Variants in PEF1 observed in about 807,000 individuals in gnomAD.
PEF1 encodes the protein peflin.
PEF1 carries 17 observed loss-of-function variants against 32.0 expected under a neutral mutation model. That is an observed-to-expected ratio of 0.53 (90% CI 0.36 to 0.80). The LOEUF is 0.80. Among genes scored for constraint, PEF1 ranks in the 30% least tolerant of loss-of-function variants. The pLI is 0.00. For synonymous variants in PEF1, 130 were observed against 139.8 expected, an observed-to-expected ratio of 0.93 and a Z score of 0.50; for missense variants, 362 against 369.1, an observed-to-expected ratio of 0.98 and a Z score of 0.16.
chr1:31,632,062 A>G (rs1640119741), intron 4 of PEF1, among the ~76,000 whole-genome samples: 1 of 152,196 alleles, frequency 6.6e-6, no homozygotes, highest in Non-Finnish European at 1.5e-5. Context: ...CAGGGTCCCA[A>G]AAGTTGGGAA....
intron 1 of PEF1, chr1:31,644,471 T>C: frequency 8.3e-7 from 1 of 1,198,034 alleles, no homozygotes; most frequent in East Asian, 4.3e-5. Flanking sequence ...ACGCCCCAAA[T>C]GAGATCGGCG....
At chr1:31,634,507 G>A (rs1322990628) in intron 2 of PEF1, among the ~76,000 whole-genome samples, 3 of 152,170 alleles carry the variant, frequency 2.0e-5, no homozygotes, top group Non-Finnish European at 4.4e-5. Context: ...TGTCTTCTGA[G>A]ATATTTTCAC....
intron 1 of PEF1, among the ~76,000 whole-genome samples, chr1:31,637,283 C>T (rs893032563): frequency 6.6e-6 from 1 of 152,144 alleles, no homozygotes; most frequent in Non-Finnish European, 1.5e-5. Flanking sequence ...AACTCTGCTC[C>T]CATCAGCTAA....
chr1:31,639,681 G>T (rs760423307), intron 1 of PEF1, among the ~76,000 whole-genome samples: 1 of 152,246 alleles, frequency 6.6e-6, no homozygotes, highest in Non-Finnish European at 1.5e-5. Flanking sequence ...TGGGGATGAA[G>T]AGAACGGAAT....
chr1:31,637,422 T>C (rs1360438091), intron 1 of PEF1, among the ~76,000 whole-genome samples: 1 of 152,110 alleles, frequency 6.6e-6, no homozygotes, highest in Non-Finnish European at 1.5e-5. Context: ...TCAGTTTAAT[T>C]TTTAGCTAAA....
intron 1 of PEF1, 55 bp downstream of exon 1, chr1:31,644,786 G>T: frequency 6.2e-7 from 1 of 1,612,824 alleles, no homozygotes; most frequent in Non-Finnish European, 8.5e-7. Context: ...GGGGGACGTC[G>T]GGCCTGCGCC....
At chr1:31,632,271 TC>T in intron 4 of PEF1, 1 of 771,100 alleles carries the variant, frequency 1.3e-6, no homozygotes, top group Non-Finnish European at 2.2e-6. Context: ...CACTCCAGGG[TC>T]CAGCCCTGAT....
chr1:31,632,167 G>C (rs1640123219), intron 4 of PEF1, among the ~76,000 whole-genome samples: 1 of 152,168 alleles, frequency 6.6e-6, no homozygotes, highest in Non-Finnish European at 1.5e-5. Flanking sequence ...TGGAGAGAAA[G>C]GAGTCACCCA....
chr1:31,635,631 A>G, intron 1 of PEF1, 109 bp from the exon 2 acceptor site: 1 of 1,114,204 alleles, frequency 9.0e-7, no homozygotes, highest in Non-Finnish European at 1.2e-6. Context: ...AACTGATCCT[A>G]TAGGTAGGGT....
chr1:31,631,210 G>A (rs1003364835), intron 4 of PEF1, among the ~76,000 whole-genome samples: 2 of 152,214 alleles, frequency 1.3e-5, no homozygotes, highest in Non-Finnish European at 2.9e-5. Context: ...GACATCAGAG[G>A]CAGTACAGCA....
At chr1:31,635,692 G>A (rs997060626) in intron 1 of PEF1, among the ~76,000 whole-genome samples, 170 bp from the exon 2 acceptor site, 2 of 152,120 alleles carry the variant, frequency 1.3e-5, no homozygotes, top group Non-Finnish European at 2.9e-5. Context: ...TTCCAGAGGA[G>A]CAACGAGTTA....
In PEF1 at chr1:31,630,306, CACTA is replaced by C. The variant is rs1371691539; in HGVS notation, c.*303_*306del. The stretch of plus-strand genomic sequence containing the variant: ...TCAGGGTGGAGCTCAGCTGACTGGA[CACTA>C]ACTCCATTACAAGGACCTGCTCCTG... On this transcript the variant is annotated 3_prime_UTR_variant, in exon 5 of 5. Coordinates refer to ENST00000373703, the MANE Select transcript of PEF1 (RefSeq NM_012392.4). The C allele has an allele frequency of 2.5e-6, 1 of 405,832 alleles. No individual in the cohort carries two copies. The highest frequency in any genetic ancestry group is 3.6e-5 in the Admixed American group (1 of 27,788). The allele number at this position is 405,832 out of a possible 1,614,324, so 25.1% of individuals were successfully genotyped here. A position where few individuals can be genotyped will look rare whatever the true frequency, so the allele number is the denominator to read the frequency against.
chr1:31,636,477 A>AAAAC (rs754220011), intron 1 of PEF1, among the ~76,000 whole-genome samples: 12 of 152,266 alleles, frequency 7.9e-5, no homozygotes, highest in African/African-American at 2.4e-4. Context: ...ATCCGATCTC[A>AAAAC]AAACAAACAA....
intron 2 of PEF1, among the ~76,000 whole-genome samples, chr1:31,634,419 C>A (rs1335172096): frequency 6.6e-6 from 1 of 152,142 alleles, no homozygotes. Context: ...CTAAAATGAA[C>A]CCATTTCCCC....
At chr1:31,637,906 C>A (rs1640299792) in intron 1 of PEF1, among the ~76,000 whole-genome samples, 1 of 152,156 alleles carries the variant, frequency 6.6e-6, no homozygotes, top group Non-Finnish European at 1.5e-5. Context: ...ATCAGTAAGT[C>A]ATAGCTGCTA....
In PEF1 at chr1:31,632,695, C is replaced by G. The variant is rs577881109; in HGVS notation, c.482-57G>C. ...GGCTTCAAGACTGAAGGCCAAGGGT[C>G]CCCCTCAGGACCCATTGAGGCAGCC... On this transcript the variant is annotated intron_variant, in intron 3 of 4. Coordinates refer to ENST00000373703, the MANE Select transcript of PEF1 (RefSeq NM_012392.4). 138 of 1,582,636 alleles carry G rather than the reference C, an allele frequency of 8.7e-5. No individual in the cohort carries two copies. The East Asian group carries it at 3.1e-3, about 35-fold the overall frequency.
At chr1:31,639,340 A>C (rs1025656199) in intron 1 of PEF1, among the ~76,000 whole-genome samples, 4 of 152,164 alleles carry the variant, frequency 2.6e-5, no homozygotes, top group African/African-American at 9.7e-5. Flanking sequence ...AGTGTCTAAG[A>C]GTAGTTTCTG....
At chr1:31,639,182 G>A (rs536934047) in intron 1 of PEF1, among the ~76,000 whole-genome samples, 6 of 152,300 alleles carry the variant, frequency 3.9e-5, no homozygotes, top group African/African-American at 1.2e-4. Context: ...AAAGACAAAC[G>A]CACAGACTTA....
At chr1:31,632,841 A>ACCCCAT (rs968751590) in intron 3 of PEF1, among the ~76,000 whole-genome samples, 1 of 151,882 alleles carries the variant, frequency 6.6e-6, no homozygotes, top group Non-Finnish European at 1.5e-5. Flanking sequence ...CTTTAGCCCC[A>ACCCCAT]CCCCATCCAG....
Sources: gnomAD v4.1 joint callset for allele counts (sites outside exome capture counted in the v4.1 genomes callset) on GRCh38, gnomAD v4.1.1 for gene constraint, MANE v1.5 for transcripts, NCBI Gene and HGNC (gene_info 2026-07-23, HGNC 2026-07-21) for gene names.